PRKCH: variants seen among roughly 807,000 people sequenced by gnomAD.
PRKCH encodes the protein protein kinase C eta type.
In PRKCH, 28 loss-of-function variants were observed where a neutral mutation model predicts 82.5. The observed-to-expected ratio is 0.34, with a 90% confidence interval of 0.25 to 0.47. PRKCH has a LOEUF of 0.47. PRKCH is among the 20% of genes least tolerant of loss of function. The pLI is 1.00. For synonymous variants in PRKCH, 322 were observed against 327.4 expected, an observed-to-expected ratio of 0.98 and a Z score of 0.18; for missense variants, 705 against 881.8, an observed-to-expected ratio of 0.80 and a Z score of 2.54.
intron 1 of PRKCH, chr14:61,353,903 C>A (rs1566834695): frequency 6.6e-6 from 1 of 152,128 alleles, no homozygotes; most frequent in Non-Finnish European, 1.5e-5. Context: ...CACCGCTACA[C>A]TCCAGCAGGA....
chr14:61,279,247 A>G (rs564872864), intron 1 of PRKCH: 2 of 152,348 alleles, frequency 1.3e-5, no homozygotes, highest in African/African-American at 4.8e-5. Flanking sequence ...ACAACTCTGT[A>G]TGCCAACTAG....
chr14:61,411,198 T>G (rs1376480169), intron 2 of PRKCH, among the ~76,000 whole-genome samples: 2 of 152,210 alleles, frequency 1.3e-5, no homozygotes, highest in Non-Finnish European at 2.9e-5. Context: ...GCTCATCCTT[T>G]ACACGTCTCT....
Position 61,280,668 on chromosome 14 carries a change from C to T in PRKCH, c.-19+93000C>T. 1 of 1,572,316 alleles carries T rather than the reference C, an allele frequency of 6.4e-7. No individual in the cohort carries two copies. Among genetic ancestry groups the T allele is most frequent in the Non-Finnish European group, 8.6e-7 (1 of 1,160,484 alleles). ...GGCTGTTGGCGATGGCGCCGCAGGG[C>T]GCGATGGGCAGGCCGGCCGCGCTGC... On this transcript the variant is annotated intron_variant, in intron 1 of 3. Transcript: ENST00000555185. The surrounding 1 kb of genome is among the most constrained non-coding windows in gnomAD (Gnocchi z 5.0).
chr14:61,307,879 C>T (rs2045494666), intron 1 of PRKCH, among the ~76,000 whole-genome samples: 1 of 152,206 alleles, frequency 6.6e-6, no homozygotes. Context: ...CTCTGTCACG[C>T]AGGCTGGAAT....
intron 1 of PRKCH, among the ~76,000 whole-genome samples, chr14:61,225,663 A>G (rs1182175014): frequency 6.6e-6 from 1 of 152,158 alleles, no homozygotes; most frequent in Non-Finnish European, 1.5e-5. Context: ...AATTTCTTCC[A>G]CTTTCAGTCA....
chr14:61,217,359 C>A (rs1210212170), intron 1 of PRKCH, among the ~76,000 whole-genome samples: 1 of 152,090 alleles, frequency 6.6e-6, no homozygotes, highest in Non-Finnish European at 1.5e-5. Context: ...CTGCAGTGAG[C>A]CATGTTCATG....
chr14:61,332,126 T>C (rs1490254905), intron 1 of PRKCH, among the ~76,000 whole-genome samples: 1 of 152,222 alleles, frequency 6.6e-6, no homozygotes, highest in African/African-American at 2.4e-5. Flanking sequence ...AGTTTGGCAA[T>C]TACAGCATTA....
chr14:61,237,062 A>G (rs1190231852), intron 1 of PRKCH, among the ~76,000 whole-genome samples: 3 of 152,180 alleles, frequency 2.0e-5, no homozygotes, highest in East Asian at 3.9e-4. Context: ...GTGAAATCCA[A>G]GAACCCTTTT....
At chr14:61,255,239 C>T (rs2044987357) in intron 1 of PRKCH, among the ~76,000 whole-genome samples, 1 of 152,146 alleles carries the variant, frequency 6.6e-6, no homozygotes, top group Non-Finnish European at 1.5e-5. Context: ...AACCAAGCAG[C>T]AAAGAGGTTA....
chr14:61,476,124 C>T (rs1211658799), intron 9 of PRKCH, among the ~76,000 whole-genome samples: 1 of 152,220 alleles, frequency 6.6e-6, no homozygotes, highest in Non-Finnish European at 1.5e-5. Context: ...CTTCTTTGCC[C>T]TTTGCTTCTG....
intron 2 of PRKCH, among the ~76,000 whole-genome samples, chr14:61,430,630 G>A (rs1424040396): frequency 3.9e-5 from 6 of 152,142 alleles, no homozygotes; most frequent in Non-Finnish European, 5.9e-5. Flanking sequence ...GGAATGTCAG[G>A]CAACCATCAG....
intron 1 of PRKCH, among the ~76,000 whole-genome samples, chr14:61,361,517 C>G (rs924928253): frequency 3.4e-4 from 51 of 152,148 alleles, no homozygotes; most frequent in Non-Finnish European, 1.2e-4. Flanking sequence ...CATGGTCTTT[C>G]TGAAACTTTC....
rs529849048 is a variant in PRKCH, at chr14:61,357,668, G to A, written c.364-33557G>A. Among the ~76,000 whole-genome samples the A allele has an allele frequency of 2.6e-5, 4 of 152,264 alleles. No homozygotes were observed. In the South Asian group the frequency reaches 8.3e-4, roughly 32 times the overall value. On this transcript the variant is annotated intron_variant, in intron 1 of 13. Coordinates refer to ENST00000332981, the MANE Select transcript of PRKCH (RefSeq NM_006255.5). The stretch of plus-strand genomic sequence containing the variant: ...ACGCTATAGTCCTTATCTTTCTGGA[G>A]CTTCTTCTTGTATTTAACCCAACAC...
At chr14:61,520,304 T>G (rs1008807624) in intron 10 of PRKCH, among the ~76,000 whole-genome samples, 4 of 151,708 alleles carry the variant, frequency 2.6e-5, no homozygotes, top group African/African-American at 9.7e-5. Context: ...TCTTTCCTCC[T>G]TTTCTTTATC....
At chr14:61,296,487 CG>C (rs763868851) in intron 1 of PRKCH, among the ~76,000 whole-genome samples, 8 of 152,178 alleles carry the variant, frequency 5.3e-5, no homozygotes, top group South Asian at 2.1e-4. Context: ...GGTCATGCCA[CG>C]GGGTGCATCT....
intron 3 of PRKCH, among the ~76,000 whole-genome samples, chr14:61,444,665 A>G (rs545484881): frequency 6.6e-6 from 1 of 152,290 alleles, no homozygotes; most frequent in African/African-American, 2.4e-5. Context: ...ATATATTAAT[A>G]TATATGGCTA....
At chr14:61,455,032 A>ATTT (rs60420757) in intron 7 of PRKCH, among the ~76,000 whole-genome samples, 97 of 142,388 alleles carry the variant, frequency 6.8e-4, no homozygotes, top group Middle Eastern at 7.4e-3. Flanking sequence ...TTCATTGACA[A>ATTT]TTTTTTTTTT....
intron 1 of PRKCH, among the ~76,000 whole-genome samples, chr14:61,282,754 TA>T (rs2045282939): frequency 6.6e-6 from 1 of 152,194 alleles, no homozygotes; most frequent in Admixed American, 6.5e-5. Context: ...TCCAGTTTGT[TA>T]AATGAATGCA....
chr14:61,481,564 T>C (rs1885971533), intron 9 of PRKCH, among the ~76,000 whole-genome samples: 1 of 152,238 alleles, frequency 6.6e-6, no homozygotes, highest in Admixed American at 6.5e-5. Flanking sequence ...ATCTTTCAGA[T>C]GAAAATAAGA....
Sources: gnomAD v4.1 joint callset for allele counts (sites outside exome capture counted in the v4.1 genomes callset) on GRCh38, gnomAD v4.1.1 for gene constraint, Gnocchi (gnomAD v3.1) non-coding constraint, MANE v1.5 for transcripts, NCBI Gene and HGNC (gene_info 2026-07-23, HGNC 2026-07-21) for gene names.